The following GRM7 variants were observed in gnomAD, a reference collection of about 807,000 sequenced individuals.
The protein encoded by GRM7 is metabotropic glutamate receptor 7.
In GRM7, 35 loss-of-function variants were observed where a neutral mutation model predicts 84.5. The ratio of observed to expected loss-of-function variants is 0.41; its 90% confidence interval spans 0.32 to 0.55. The LOEUF is 0.55. Ranked by LOEUF, GRM7 falls within the 20% of genes least tolerant of loss-of-function variation. The pLI is 0.19. For missense variants in GRM7, 1,003 were observed against 1,194.6 expected, an observed-to-expected ratio of 0.84 and a Z score of 2.36; for synonymous variants, 487 against 455.1, an observed-to-expected ratio of 1.07 and a Z score of -0.89.
intron 2 of GRM7, among the ~76,000 whole-genome samples, chr3:7,201,592 A>T (rs937223136): frequency 2.0e-5 from 3 of 152,176 alleles, no homozygotes; most frequent in African/African-American, 7.2e-5. Context: ...AAGGTTTGCT[A>T]TGTACCAGGT....
rs148832821 is a variant in GRM7, at chr3:7,641,007, G to C, written c.2452-39042G>C. On this transcript the variant is annotated intron_variant, in intron 8 of 9. Coordinates refer to ENST00000357716, the MANE Select transcript of GRM7 (RefSeq NM_000844.4). ...TAAAGAGTAAAGTTTTAGAGCCCCA[G>C]AAGTTTCCATTTTATCTCTCTGGTG... is the stretch of plus-strand genomic sequence containing the variant. Among the ~76,000 whole-genome samples, 18 of 152,278 alleles carry C rather than the reference G, an allele frequency of 1.2e-4. No individual in the cohort carries two copies. The East Asian group carries it at 3.5e-3, about 29-fold the overall frequency.
chr3:6,916,735 C>T (rs1440436692), intron 1 of GRM7, among the ~76,000 whole-genome samples: 5 of 151,988 alleles, frequency 3.3e-5, no homozygotes, highest in African/African-American at 1.2e-4. Context: ...GATTCGATTT[C>T]GACATATAAA....
chr3:7,419,012 G>T (rs1442884066), intron 5 of GRM7, among the ~76,000 whole-genome samples: 1 of 152,114 alleles, frequency 6.6e-6, no homozygotes, highest in African/African-American at 2.4e-5. Flanking sequence ...CTAGCACATA[G>T]TCGTAGCTAA....
intron 1 of GRM7, among the ~76,000 whole-genome samples, chr3:7,096,642 A>C (rs1698871272): frequency 6.6e-6 from 1 of 152,074 alleles, no homozygotes; most frequent in Non-Finnish European, 1.5e-5. Context: ...TGGCCACATG[A>C]GTCAACTCAA....
At chr3:6,945,642 A>T (rs1355565616) in intron 1 of GRM7, among the ~76,000 whole-genome samples, 10 of 152,142 alleles carry the variant, frequency 6.6e-5, no homozygotes, top group Non-Finnish European at 1.3e-4. Flanking sequence ...CGCCACACCG[A>T]CTTCCACAAT....
rs9820237 is a variant in GRM7 at position 7,703,520 on chromosome 3, C to T, written c.2698+23225C>T. Among the ~76,000 whole-genome samples, 357 of 151,944 alleles carry T rather than the reference C, an allele frequency of 2.3e-3. 2 individuals are homozygous for T. The highest frequency in any genetic ancestry group is 7.2e-3 in the African/African-American group (298 of 41,442). On this transcript the variant is annotated intron_variant, in intron 9 of 9. Coordinates refer to ENST00000357716, the MANE Select transcript of GRM7 (RefSeq NM_000844.4). ...AGAGATGGCTCTGCCACTTCCAATCCGGGAGTTTCAGCTATACAGGGGATC... is the reference window on the plus strand; with the variant it reads ...AGAGATGGCTCTGCCACTTCCAATCTGGGAGTTTCAGCTATACAGGGGATC...
chr3:6,883,294 T>C (rs1447757331), intron 1 of GRM7, among the ~76,000 whole-genome samples: 1 of 152,072 alleles, frequency 6.6e-6, no homozygotes, highest in Non-Finnish European at 1.5e-5. Context: ...TATTTTGTTA[T>C]AGTTTTCAAT....
chr3:7,254,846 G>A (rs1396401), intron 2 of GRM7, among the ~76,000 whole-genome samples: 136,712 of 152,282 alleles, frequency 0.9, 61,619 homozygotes, highest in East Asian at 0.98. Flanking sequence ...AAATGAGATA[G>A]TGCTTAAAAG....
At chr3:7,035,904 G>C (rs1696371030) in intron 1 of GRM7, among the ~76,000 whole-genome samples, 1 of 152,168 alleles carries the variant, frequency 6.6e-6, no homozygotes, top group South Asian at 2.1e-4. Context: ...TTTTATCTTT[G>C]CTAACCTTTA....
Position 6,861,784 on chromosome 3 carries a change from C to T in GRM7, c.396C>T (p.Ser132=). The T allele has an allele frequency of 6.2e-7, 1 of 1,614,208 alleles. No homozygotes were observed. Among genetic ancestry groups the T allele is most frequent in the Non-Finnish European group, 8.5e-7 (1 of 1,180,044 alleles). Residue 132 remains serine (S), a synonymous_variant, in exon 1 of 10, where the codon TCC becomes TCT. Transcript: ENST00000357716. The surrounding 1 kb of genome is among the most constrained non-coding windows in gnomAD (Gnocchi z 6.4). ...AGGCGCTCATCCAGAAGGACACCTC[C>T]GACGTGCGCTGCACCAACGGCGAAC... ...FVQALIQKDT[S]DVRCTNGEPP... is the part of the protein sequence containing the mutation.
Position 7,046,075 on chromosome 3 carries a change from T to A in GRM7, c.520-100377T>A, listed in dbSNP as rs1696797767. Among the ~76,000 whole-genome samples, 3 of 152,126 alleles carry A rather than the reference T, an allele frequency of 2.0e-5. No homozygotes were observed. In the South Asian group the frequency reaches 6.2e-4, roughly 31 times the overall value. ...TTGCTAATAGTCATTCTAATAGGTG[T>A]GAGGTAATATATATTGGCTTGGGTT... On this transcript the variant is annotated intron_variant, in intron 1 of 9. Coordinates refer to ENST00000357716, the MANE Select transcript of GRM7 (RefSeq NM_000844.4).
chr3:7,404,921 A>G (rs982110720), intron 4 of GRM7, among the ~76,000 whole-genome samples: 2 of 152,202 alleles, frequency 1.3e-5, no homozygotes, highest in Admixed American at 6.6e-5. Context: ...AACACCTACC[A>G]TATTTCTTTT....
intron 1 of GRM7, among the ~76,000 whole-genome samples, chr3:6,966,514 G>A (rs1693526394): frequency 6.6e-6 from 1 of 152,172 alleles, no homozygotes; most frequent in African/African-American, 2.4e-5. Context: ...TTACCAAAAG[G>A]TGAACTTCCC....
At chr3:7,713,124 GTTTTTTTTTTTTTTT>G in intron 9 of GRM7, among the ~76,000 whole-genome samples, 1 of 97,134 alleles carries the variant, frequency 1.0e-5, no homozygotes, top group Non-Finnish European at 2.2e-5. Flanking sequence ...ATTTTGTTTT[GTTTTTTTTTTTTTTT>G]TTTTTTTTTT....
intron 9 of GRM7, among the ~76,000 whole-genome samples, chr3:7,686,089 T>G (rs185543187): frequency 6.6e-6 from 1 of 152,170 alleles, no homozygotes; most frequent in East Asian, 1.9e-4. Flanking sequence ...ATAGATAAAT[T>G]ATGTTTGGGC....
intron 5 of GRM7, among the ~76,000 whole-genome samples, chr3:7,429,201 T>C (rs1696732887): frequency 6.6e-6 from 1 of 152,160 alleles, no homozygotes; most frequent in Admixed American, 6.5e-5. Context: ...TTTTGTTTTT[T>C]TTTGTTTTGT....
At chr3:7,568,568 G>T (rs573685013) in intron 7 of GRM7, among the ~76,000 whole-genome samples, 3 of 152,220 alleles carry the variant, frequency 2.0e-5, no homozygotes, top group East Asian at 3.9e-4. Flanking sequence ...GGCCGGAGCC[G>T]GCTCCCTTAG....
At chr3:7,208,759 C>T (rs1341155071) in intron 2 of GRM7, among the ~76,000 whole-genome samples, 1 of 152,146 alleles carries the variant, frequency 6.6e-6, no homozygotes, top group Non-Finnish European at 1.5e-5. Context: ...CTCCATACTG[C>T]TCTGCAATTT....
intron 2 of GRM7, among the ~76,000 whole-genome samples, chr3:7,164,544 A>C (rs544246703): frequency 6.8e-4 from 104 of 152,262 alleles, no homozygotes; most frequent in Non-Finnish European, 1.1e-3. Flanking sequence ...CTCTAACTTC[A>C]CCATTAACTT....
Sources: allele counts gnomAD v4.1 joint callset (sites outside exome capture counted in the v4.1 genomes callset), GRCh38; gene constraint gnomAD v4.1.1; non-coding constraint Gnocchi (gnomAD v3.1); transcripts MANE v1.5; gene names NCBI Gene and HGNC (gene_info 2026-07-23, HGNC 2026-07-21).